RAD51B: variants seen among roughly 807,000 people sequenced by gnomAD.
The protein encoded by RAD51B is RAD51 paralog B.
In RAD51B, 38 loss-of-function variants were observed where a neutral mutation model predicts 42.2. That is an observed-to-expected ratio of 0.90 (90% CI 0.70 to 1.18). The LOEUF (loss-of-function observed/expected upper bound fraction) is 1.18. Among genes scored for constraint, RAD51B ranks in the 50% most tolerant of loss-of-function variants. The probability of loss-of-function intolerance (pLI) is 0.00; values close to 1 mark genes in which losing one functional copy is unlikely to be tolerated. For missense variants in RAD51B, 373 were observed against 400.7 expected (o/e 0.93, Z 0.59); for synonymous variants, 154 against 145.2 (o/e 1.06, Z -0.43).
At chr14:68,326,983 C>T (rs1346816548) in intron 8 of RAD51B, among the ~76,000 whole-genome samples, 1 of 152,096 alleles carries the variant, frequency 6.6e-6, no homozygotes, top group African/African-American at 2.4e-5. Flanking sequence ...TTCAAATCTC[C>T]TACCGGTGCA....
intron 8 of RAD51B, among the ~76,000 whole-genome samples, chr14:68,349,436 G>A (rs1034520999): frequency 1.3e-5 from 2 of 152,012 alleles, no homozygotes; most frequent in Non-Finnish European, 2.9e-5. Flanking sequence ...GCACCATCTT[G>A]GCTCACTGCA....
At chr14:68,674,769 A>G (rs1321569107) in intron 11 of RAD51B, among the ~76,000 whole-genome samples, 1 of 152,134 alleles carries the variant, frequency 6.6e-6, no homozygotes, top group African/African-American at 2.4e-5. Context: ...TTCCATAAGT[A>G]GACCAGGGGT....
At chr14:68,049,426 G>GCTGTT (rs1456801318) in intron 7 of RAD51B, among the ~76,000 whole-genome samples, 18 of 152,094 alleles carry the variant, frequency 1.2e-4, no homozygotes, top group Admixed American at 3.9e-4. Flanking sequence ...TACTTTGTTA[G>GCTGTT]CTGTTCGAGA....
chr14:67,966,391 A>G (rs921602754), intron 7 of RAD51B, among the ~76,000 whole-genome samples: 1 of 152,188 alleles, frequency 6.6e-6, no homozygotes, highest in African/African-American at 2.4e-5. Context: ...TAACCATTGC[A>G]TCTTTCTGCT....
At chr14:67,857,462 A>G (rs1165344547) in intron 4 of RAD51B, among the ~76,000 whole-genome samples, 1 of 152,280 alleles carries the variant, frequency 6.6e-6, no homozygotes, top group East Asian at 1.9e-4. Flanking sequence ...CTTTTCAGCT[A>G]TTTTTTACAT....
chr14:68,257,304 T>A (rs1476976736), intron 7 of RAD51B, among the ~76,000 whole-genome samples: 1 of 152,156 alleles, frequency 6.6e-6, no homozygotes, highest in Non-Finnish European at 1.5e-5. Context: ...TGAATTAATT[T>A]AATGTCACTG....
chr14:67,858,211 C>T (rs931314692), intron 4 of RAD51B, among the ~76,000 whole-genome samples: 15 of 152,212 alleles, frequency 9.9e-5, no homozygotes, highest in Admixed American at 2.6e-4. Context: ...AAAGGGCCAG[C>T]GTGACAGCCT....
intron 10 of RAD51B, among the ~76,000 whole-genome samples, chr14:68,506,040 T>A (rs1230051182): frequency 6.6e-6 from 1 of 152,166 alleles, no homozygotes; most frequent in Admixed American, 6.5e-5. Context: ...TCTCCTTCAG[T>A]TTCTACCCAA....
intron 10 of RAD51B, among the ~76,000 whole-genome samples, chr14:68,634,559 G>A (rs1892303198): frequency 6.6e-6 from 1 of 152,034 alleles, no homozygotes; most frequent in Non-Finnish European, 1.5e-5. Flanking sequence ...CCAGTGGCTG[G>A]GATTCTCAGC....
chr14:67,977,212 G>C (rs980382965), intron 7 of RAD51B, among the ~76,000 whole-genome samples: 1 of 152,036 alleles, frequency 6.6e-6, no homozygotes, highest in Non-Finnish European at 1.5e-5. Flanking sequence ...TTTACTTCTC[G>C]CATCTTTATT....
At chr14:68,352,874 C>T (rs2082818558) in intron 8 of RAD51B, among the ~76,000 whole-genome samples, 1 of 152,096 alleles carries the variant, frequency 6.6e-6, no homozygotes, top group Non-Finnish European at 1.5e-5. Flanking sequence ...GTGTCCTTTG[C>T]TTTTACTTGC....
At position 68,411,487 on chromosome 14, in the gene RAD51B, C is replaced by A. The variant is rs1193670815; in HGVS notation, c.917C>A (p.Thr306Asn). Residue 306 changes from threonine (T) to asparagine (N), a missense_variant, in exon 9 of 11, where the codon ACC becomes AAC. Coordinates refer to ENST00000471583, the MANE Select transcript of RAD51B (RefSeq NM_133510.4). ...LGNTWSHSVN[T>N]RLILQYLDSE... The stretch of plus-strand genomic sequence containing the variant: ...AATACCTGGAGTCACAGTGTGAATA[C>A]CCGGCTGATCCTCCAGTACCTTGAT... The A allele has an allele frequency of 1.2e-6, 2 of 1,614,106 alleles. No individual in the cohort carries two copies. The highest frequency in any genetic ancestry group is 1.7e-5 in the Admixed American group (1 of 59,998).
At chr14:67,930,578 C>T (rs2044691641) in intron 7 of RAD51B, among the ~76,000 whole-genome samples, 1 of 152,102 alleles carries the variant, frequency 6.6e-6, no homozygotes, top group African/African-American at 2.4e-5. Flanking sequence ...ATGTAGGCTC[C>T]TTTGTAGGTG....
chr14:67,925,690 G>A (rs2044482393), intron 7 of RAD51B, among the ~76,000 whole-genome samples: 2 of 152,142 alleles, frequency 1.3e-5, no homozygotes, highest in South Asian at 4.1e-4. Flanking sequence ...TTCTGCAGAG[G>A]TTCTTCTCCA....
chr14:68,660,124 T>C lies in RAD51B; in HGVS notation c.*11+9268T>C, dbSNP rs11848425. On this transcript the variant is annotated intron_variant, in intron 11 of 11. Transcript: ENST00000488612. The stretch of plus-strand genomic sequence containing the variant: ...AAAGCCAGGTGAGCACTGCCCTGAC[T>C]TGAAGAAGGCTGGCCCATCTAAAGG... 3.3e-5 allele frequency among the ~76,000 whole-genome samples: 5 copies of C among 152,346 alleles called. No individual in the cohort carries two copies. The South Asian group carries it at 8.3e-4, about 25-fold the overall frequency.
chr14:68,301,556 G>A (rs2139691543), intron 8 of RAD51B, among the ~76,000 whole-genome samples: 1 of 150,792 alleles, frequency 6.6e-6, no homozygotes, highest in South Asian at 2.1e-4. Context: ...CCTGTCTTAG[G>A]GTCATTAGAA....
Position 67,994,211 on chromosome 14 carries a change from C to T in RAD51B, c.756+107007C>T, listed in dbSNP as rs182162690. ...TATTGTTAAGGGGCCCAAAAATATA[C>T]ACTAACCACTGTTTTTTTCAAGAAA... On this transcript the variant is annotated intron_variant, in intron 7 of 10. Coordinates refer to ENST00000471583, the MANE Select transcript of RAD51B (RefSeq NM_133510.4). Among the ~76,000 whole-genome samples, 40 of 151,812 alleles carry T rather than the reference C, an allele frequency of 2.6e-4. 1 individual carries two copies. The highest frequency in any genetic ancestry group is 1.6e-3 in the Admixed American group (24 of 15,224).
chr14:67,950,245 T>A (rs553978456), intron 7 of RAD51B, among the ~76,000 whole-genome samples: 1 of 152,352 alleles, frequency 6.6e-6, no homozygotes, highest in Admixed American at 6.5e-5. Context: ...TTTATCTGTA[T>A]GGAAAATCTG....
chr14:68,132,068 T>G (rs915801635), intron 7 of RAD51B, among the ~76,000 whole-genome samples: 2 of 152,224 alleles, frequency 1.3e-5, no homozygotes, highest in African/African-American at 4.8e-5. Context: ...TCAGTAAACC[T>G]GGCAGTCACA....
Sources: allele counts gnomAD v4.1 joint callset (sites outside exome capture counted in the v4.1 genomes callset), GRCh38; gene constraint gnomAD v4.1.1; transcripts MANE v1.5; gene names NCBI Gene and HGNC (gene_info 2026-07-23, HGNC 2026-07-21).